The following ARHGAP15 variants were observed in gnomAD, a reference collection of about 807,000 sequenced individuals.
ARHGAP15 encodes the protein Rho GTPase activating protein 15.
Under a neutral mutation model 63.7 loss-of-function variants are expected in ARHGAP15, and 51 were observed. That is an observed-to-expected ratio of 0.80 (90% CI 0.64 to 1.01). The LOEUF (loss-of-function observed/expected upper bound fraction) is 1.01. Ranked by LOEUF, ARHGAP15 falls within the 50% of genes least tolerant of loss-of-function variation. The probability of loss-of-function intolerance (pLI) is 0.00; values close to 1 mark genes in which losing one functional copy is unlikely to be tolerated. For synonymous variants in ARHGAP15, 191 were observed against 193.8 expected (o/e 0.99, Z 0.12); for missense variants, 560 against 564.6 (o/e 0.99, Z 0.08).
chr2:143,623,286 A>T (rs1196654486), intron 11 of ARHGAP15, among the ~76,000 whole-genome samples: 1 of 152,210 alleles, frequency 6.6e-6, no homozygotes, highest in Non-Finnish European at 1.5e-5. Context: ...GGACAAAAAT[A>T]ATTGCCCAGC....
At chr2:143,707,353 T>C (rs1044876435) in intron 13 of ARHGAP15, among the ~76,000 whole-genome samples, 2 of 152,348 alleles carry the variant, frequency 1.3e-5, no homozygotes, top group South Asian at 4.1e-4. Context: ...TAAGTACTTA[T>C]GAAAATAGTC....
At chr2:143,374,712 AG>A (rs2104924385) in intron 6 of ARHGAP15, among the ~76,000 whole-genome samples, 1 of 152,248 alleles carries the variant, frequency 6.6e-6, no homozygotes, top group East Asian at 1.9e-4. Flanking sequence ...TGTGTTGTCC[AG>A]GCTGGTCTCA....
intron 11 of ARHGAP15, among the ~76,000 whole-genome samples, chr2:143,612,771 C>T (rs207462505): frequency 1.3e-5 from 2 of 152,120 alleles, no homozygotes; most frequent in South Asian, 2.1e-4. Flanking sequence ...GCCTGGACTC[C>T]GCTACTAAAT....
At chr2:143,320,800 G>A (rs1197557863) in intron 6 of ARHGAP15, among the ~76,000 whole-genome samples, 1 of 152,094 alleles carries the variant, frequency 6.6e-6, no homozygotes, top group Non-Finnish European at 1.5e-5. Flanking sequence ...GCCCTAAAGT[G>A]AACAGGATGA....
intron 12 of ARHGAP15, among the ~76,000 whole-genome samples, chr2:143,696,855 T>G (rs1683870121): frequency 6.6e-6 from 1 of 152,220 alleles, no homozygotes; most frequent in African/African-American, 2.4e-5. Flanking sequence ...TTGAGTCAGA[T>G]AGATTCAGTT....
chr2:143,241,942 T>A (rs1320372625), intron 5 of ARHGAP15, among the ~76,000 whole-genome samples: 4 of 152,176 alleles, frequency 2.6e-5, no homozygotes, highest in Non-Finnish European at 5.9e-5. Context: ...GGTCTGCAAG[T>A]ACGCTGGTGA....
chr2:143,308,372 A>G (rs1362469291), intron 6 of ARHGAP15, among the ~76,000 whole-genome samples: 1 of 152,080 alleles, frequency 6.6e-6, no homozygotes, highest in Non-Finnish European at 1.5e-5. Flanking sequence ...TTGAGGTCGC[A>G]CTAGCTCACT....
intron 12 of ARHGAP15, among the ~76,000 whole-genome samples, chr2:143,624,481 A>G (rs1399004697): frequency 6.6e-6 from 1 of 152,016 alleles, no homozygotes; most frequent in East Asian, 1.9e-4. Context: ...ATTAGGAAAA[A>G]AAATATGACA....
rs907742059 is a variant in ARHGAP15, at chr2:143,437,210, C to T, written c.703+168C>T. ...ACTGGAGGGCAGTCTGGGCACTTTG[C>T]TCACATCATTGTTGGTAATGCCTTT... On this transcript the variant is annotated intron_variant, in intron 8 of 13. Transcript: ENST00000295095. The T allele has an allele frequency of 3.3e-5, 22 of 670,104 alleles. No homozygotes were observed. The East Asian group carries it at 6.0e-4, about 18-fold the overall frequency. 41.5% of individuals were successfully genotyped at this position (670,104 alleles called of 1,614,324 possible).
At chr2:143,709,315 G>C (rs1484763863) in intron 13 of ARHGAP15, among the ~76,000 whole-genome samples, 1 of 152,106 alleles carries the variant, frequency 6.6e-6, no homozygotes, top group Non-Finnish European at 1.5e-5. Context: ...ACATTACTCA[G>C]AGAAAATAAA....
At chr2:143,171,319 T>C (rs1020829680) in intron 2 of ARHGAP15, among the ~76,000 whole-genome samples, 1 of 152,082 alleles carries the variant, frequency 6.6e-6, no homozygotes, top group African/African-American at 2.4e-5. Context: ...GCTACACAGG[T>C]GTTGTTTTCT....
chr2:143,537,395 T>G (rs1371680524), intron 10 of ARHGAP15, among the ~76,000 whole-genome samples: 1 of 152,214 alleles, frequency 6.6e-6, no homozygotes, highest in Non-Finnish European at 1.5e-5. Context: ...AGATCCCATT[T>G]GTCAATTTTG....
At chr2:143,286,052 A>C (rs1401146325) in intron 6 of ARHGAP15, among the ~76,000 whole-genome samples, 1 of 152,212 alleles carries the variant, frequency 6.6e-6, no homozygotes, top group Non-Finnish European at 1.5e-5. Flanking sequence ...ATATCCCATA[A>C]CTTTTTTGAA....
chr2:143,320,628 G>C (rs149955697), intron 6 of ARHGAP15, among the ~76,000 whole-genome samples: 2 of 152,190 alleles, frequency 1.3e-5, no homozygotes, highest in Non-Finnish European at 2.9e-5. Context: ...ACAAGATGCT[G>C]CTCCGGGAGA....
At chr2:143,719,453 T>G (rs1684953730) in intron 13 of ARHGAP15, among the ~76,000 whole-genome samples, 1 of 152,222 alleles carries the variant, frequency 6.6e-6, no homozygotes, top group Non-Finnish European at 1.5e-5. Flanking sequence ...ATTTCACATC[T>G]CAGAAAGATT....
intron 6 of ARHGAP15, among the ~76,000 whole-genome samples, chr2:143,381,565 A>G (rs1221885834): frequency 6.6e-6 from 1 of 152,136 alleles, no homozygotes; most frequent in African/African-American, 2.4e-5. Context: ...CAGATGTTGG[A>G]GGAATCCTCT....
intron 6 of ARHGAP15, among the ~76,000 whole-genome samples, chr2:143,279,447 T>C (rs1455548031): frequency 6.6e-6 from 1 of 152,134 alleles, no homozygotes; most frequent in Admixed American, 6.6e-5. Context: ...CATGACTGCA[T>C]TGCAGAATGT....
At chr2:143,233,710 G>C (rs999082494) in intron 5 of ARHGAP15, among the ~76,000 whole-genome samples, 12 of 144,882 alleles carry the variant, frequency 8.3e-5, no homozygotes, top group Non-Finnish European at 1.5e-4. Flanking sequence ...GCAGTGGCAT[G>C]ATCTTGGCTC....
At position 143,310,723 on chromosome 2, in the gene ARHGAP15, TTCTTC is replaced by T. The variant is rs530640233; in HGVS notation, c.474+60128_474+60132del. Among the ~76,000 whole-genome samples the T allele has an allele frequency of 1.7e-3, 261 of 152,144 alleles. 2 individuals are homozygous for T. Among genetic ancestry groups the T allele is most frequent in the Non-Finnish European group, 1.1e-3 (75 of 67,914 alleles). ...CATACTTTATTTACTTTCTGACAGGTTCTTCTCTTTGCATTTTTATTTGCAAACCA... is the reference window on the plus strand; with the variant it reads ...CATACTTTATTTACTTTCTGACAGGTTCTTTGCATTTTTATTTGCAAACCA... On this transcript the variant is annotated intron_variant, in intron 6 of 13. Coordinates refer to ENST00000295095, the MANE Select transcript of ARHGAP15 (RefSeq NM_018460.4).
Sources: gnomAD v4.1 joint callset for allele counts (sites outside exome capture counted in the v4.1 genomes callset) on GRCh38, gnomAD v4.1.1 for gene constraint, MANE v1.5 for transcripts, NCBI Gene and HGNC (gene_info 2026-07-23, HGNC 2026-07-21) for gene names.